The following PTPRN2 variants were observed in gnomAD, a reference collection of about 807,000 sequenced individuals.
The protein encoded by PTPRN2 is receptor-type tyrosine-protein phosphatase N2.
PTPRN2 carries 74 observed loss-of-function variants against 118.8 expected under a neutral mutation model. That is an observed-to-expected ratio of 0.62 (90% CI 0.52 to 0.76). The LOEUF (loss-of-function observed/expected upper bound fraction) is 0.76. Among genes scored for constraint, PTPRN2 ranks in the 30% least tolerant of loss-of-function variants. PTPRN2 has a pLI of 0.00. For synonymous variants in PTPRN2, 641 were observed against 608.0 expected (o/e 1.05, Z -0.80); for missense variants, 1,481 against 1,394.4 (o/e 1.06, Z -0.99).
Position 157,764,251 on chromosome 7 carries a change from G to T in PTPRN2, c.1789-81314C>A, listed in dbSNP as rs1196123824. On this transcript the variant is annotated intron_variant, in intron 12 of 22. Coordinates refer to ENST00000389418, the MANE Select transcript of PTPRN2 (RefSeq NM_002847.5). This position sits in a 1 kb window ranked among gnomAD's most constrained non-coding sequence, Gnocchi z 4.5. ...GGGCATATGCCCAAAAGCACCGAAT[G>T]CAGTGACTCAGAGAGAGATTCGCAC... Among the ~76,000 whole-genome samples, 1 of 152,220 alleles carries T rather than the reference G, an allele frequency of 6.6e-6. No individual in the cohort carries two copies. The highest frequency in any genetic ancestry group is 6.5e-5 in the Admixed American group (1 of 15,284).
At chr7:158,131,393 C>A (rs1161667944) in intron 9 of PTPRN2, among the ~76,000 whole-genome samples, 1 of 143,178 alleles carries the variant, frequency 7.0e-6, no homozygotes, top group Admixed American at 7.2e-5. Context: ...CATACACACA[C>A]GTATATACAA....
intron 11 of PTPRN2, among the ~76,000 whole-genome samples, chr7:157,921,857 C>G (rs1276131546): frequency 6.6e-6 from 1 of 152,178 alleles, no homozygotes; most frequent in Non-Finnish European, 1.5e-5. Context: ...CAGGAGTGAA[C>G]CCTGATGTAA....
intron 3 of PTPRN2, among the ~76,000 whole-genome samples, chr7:158,313,428 C>G (rs538253936): frequency 1.3e-5 from 2 of 152,320 alleles, no homozygotes; most frequent in Admixed American, 6.5e-5. Flanking sequence ...CCAGGACACA[C>G]AGTCCCTGGG....
intron 3 of PTPRN2, among the ~76,000 whole-genome samples, chr7:158,310,199 G>A (rs1480074436): frequency 6.6e-6 from 1 of 152,238 alleles, no homozygotes; most frequent in African/African-American, 2.4e-5. Context: ...GCAACTTTGG[G>A]TCTGGGAAAC....
intron 1 of PTPRN2, among the ~76,000 whole-genome samples, chr7:158,527,913 G>A (rs1364119099): frequency 7.9e-6 from 1 of 127,070 alleles, no homozygotes; most frequent in Non-Finnish European, 1.7e-5. Context: ...CCACCTTCCT[G>A]TGTAGCAGGG....
intron 11 of PTPRN2, among the ~76,000 whole-genome samples, chr7:157,955,627 C>G (rs370434822): frequency 6.6e-6 from 1 of 152,220 alleles, no homozygotes; most frequent in African/African-American, 2.4e-5. Context: ...AGGATCAACT[C>G]TCTTCTTCAG....
chr7:158,471,995 G>A (rs577157061), intron 2 of PTPRN2, among the ~76,000 whole-genome samples: 24 of 151,876 alleles, frequency 1.6e-4, no homozygotes, highest in African/African-American at 5.1e-4. Context: ...TTCCGGCCCC[G>A]CCACGGTTCC....
intron 21 of PTPRN2, among the ~76,000 whole-genome samples, chr7:157,555,059 G>A: frequency 6.6e-6 from 1 of 150,574 alleles, no homozygotes; most frequent in East Asian, 1.9e-4. Flanking sequence ...GGGACACCCA[G>A]GAAGACCCAC....
In PTPRN2 at chr7:158,364,792, A is replaced by C. The variant is rs540454632; in HGVS notation, c.164-47860T>G. ...TGTCCACACACACAGGTCTCCAGGC[A>C]TGTTTACCTCTAAATACACACCCTG... is the stretch of plus-strand genomic sequence containing the variant. On this transcript the variant is annotated intron_variant, in intron 2 of 22. Transcript: ENST00000389418. Among the ~76,000 whole-genome samples the C allele has an allele frequency of 2.6e-5, 4 of 152,280 alleles. No individual in the cohort carries two copies. In the East Asian group the frequency reaches 7.7e-4, roughly 29 times the overall value.
intron 6 of PTPRN2, among the ~76,000 whole-genome samples, chr7:158,152,733 C>G (rs1016511633): frequency 6.6e-6 from 1 of 152,218 alleles, no homozygotes; most frequent in African/African-American, 2.4e-5. Flanking sequence ...CTGGCAGGCA[C>G]ACACACAAGT....
intron 21 of PTPRN2, among the ~76,000 whole-genome samples, chr7:157,563,541 G>A (rs1302160930): frequency 4.2e-5 from 5 of 118,768 alleles, no homozygotes; most frequent in Non-Finnish European, 6.8e-5. Context: ...TCAGGACCAC[G>A]TGCTCCCACG....
chr7:158,157,434 G>A (rs1821923467), intron 6 of PTPRN2, among the ~76,000 whole-genome samples: 1 of 152,364 alleles, frequency 6.6e-6, no homozygotes, highest in East Asian at 1.9e-4. Flanking sequence ...AAGGACATCA[G>A]CCAAACACCG....
rs1799776125 is a variant in PTPRN2, at chr7:157,729,522, G to A, written c.1789-46585C>T. ...CCCGAAGGCAGGTGGGCACTGTGCT[G>A]GTGCTGTCCGAGTGGAGCCTCTGGT... On this transcript the variant is annotated intron_variant, in intron 12 of 22. Transcript: ENST00000389418. The surrounding 1 kb of genome is among the most constrained non-coding windows in gnomAD (Gnocchi z 4.3). Among the ~76,000 whole-genome samples the A allele has an allele frequency of 6.6e-6, 1 of 152,236 alleles. No homozygotes were observed. The highest frequency in any genetic ancestry group is 1.5e-5 in the Non-Finnish European group (1 of 68,040).
rs1800909478 is a variant in PTPRN2, at chr7:157,590,308, T to C, written c.2496+4930A>G. 6.6e-6 allele frequency among the ~76,000 whole-genome samples: 1 copy of C among 152,242 alleles called. No homozygotes were observed. Among genetic ancestry groups the C allele is most frequent in the African/African-American group, 2.4e-5 (1 of 41,466 alleles). On this transcript the variant is annotated intron_variant, in intron 17 of 22. Transcript: ENST00000389418. The surrounding 1 kb of genome is among the most constrained non-coding windows in gnomAD (Gnocchi z 4.0). ...ATTTCTAGGCCAGTTTACTACTTAC[T>C]AGTAACACTGATTTCTGAACTGTAA...
intron 11 of PTPRN2, among the ~76,000 whole-genome samples, chr7:158,071,209 G>C (rs372380454): frequency 1.1e-4 from 4 of 35,764 alleles, no homozygotes; most frequent in Admixed American, 3.4e-4. Flanking sequence ...GGAGGTGCTC[G>C]TGGTGGTGGA....
chr7:158,310,589 A>G (rs11760577), intron 3 of PTPRN2, among the ~76,000 whole-genome samples: 146,013 of 152,186 alleles, frequency 0.96, 70,119 homozygotes, highest in African/African-American at 0.99. Context: ...GGAAGGAGCC[A>G]CTGGGCCTGC....
chr7:157,679,077 G>A (rs1239470607), intron 13 of PTPRN2, among the ~76,000 whole-genome samples: 3 of 152,028 alleles, frequency 2.0e-5, no homozygotes, highest in Non-Finnish European at 2.9e-5. Flanking sequence ...TCCTTAGTGT[G>A]TGTGTGTGTA....
intron 2 of PTPRN2, among the ~76,000 whole-genome samples, chr7:158,356,752 A>G (rs1304701215): frequency 6.6e-6 from 1 of 151,326 alleles, no homozygotes; most frequent in Non-Finnish European, 1.5e-5. Context: ...ATAGGTCACA[A>G]TTCATAACAT....
intron 2 of PTPRN2, among the ~76,000 whole-genome samples, chr7:158,339,997 A>C (rs1243790414): frequency 1.2e-4 from 7 of 56,088 alleles, no homozygotes; most frequent in Admixed American, 1.9e-4. Flanking sequence ...CGCCCGCAGA[A>C]GTCACTCACA....
Sources: allele counts gnomAD v4.1 joint callset (sites outside exome capture counted in the v4.1 genomes callset), GRCh38; gene constraint gnomAD v4.1.1; non-coding constraint Gnocchi (gnomAD v3.1); transcripts MANE v1.5; gene names NCBI Gene and HGNC (gene_info 2026-07-23, HGNC 2026-07-21).